LRP1B: variants seen among roughly 807,000 people sequenced by gnomAD.
LRP1B encodes low-density lipoprotein receptor-related protein 1B.
LRP1B carries 217 observed loss-of-function variants against 556.6 expected under a neutral mutation model. The ratio of observed to expected loss-of-function variants is 0.39; its 90% CI spans 0.35 to 0.44. The LOEUF (loss-of-function observed/expected upper bound fraction) is 0.44, where lower values mean the gene tolerates loss of function less well. LRP1B is among the 20% of genes least tolerant of loss of function. The pLI is 1.00. For synonymous variants in LRP1B, 2,047 were observed against 1,865.8 expected, an observed-to-expected ratio of 1.10 and a Z score of -2.50; for missense variants, 5,053 against 5,620.8, an observed-to-expected ratio of 0.90 and a Z score of 3.23.
chr2:140,617,513 A>T (rs1392232401), intron 41 of LRP1B, among the ~76,000 whole-genome samples: 1 of 151,948 alleles, frequency 6.6e-6, no homozygotes, highest in Non-Finnish European at 1.5e-5. Context: ...AATTAATTTG[A>T]TGCTAGGGAT....
intron 3 of LRP1B, among the ~76,000 whole-genome samples, chr2:141,356,599 A>G (rs377227556): frequency 7.4e-6 from 1 of 135,934 alleles, no homozygotes. Context: ...TGTTTTTAAG[A>G]AGACATTTTT....
intron 41 of LRP1B, among the ~76,000 whole-genome samples, chr2:140,609,105 G>C (rs1682976655): frequency 1.3e-5 from 2 of 152,100 alleles, no homozygotes; most frequent in African/African-American, 4.8e-5. Flanking sequence ...AACTAACATT[G>C]GCATGTCCGG....
intron 2 of LRP1B, among the ~76,000 whole-genome samples, chr2:141,680,981 A>G (rs1691080690): frequency 6.6e-6 from 1 of 152,280 alleles, no homozygotes; most frequent in Non-Finnish European, 1.5e-5. Flanking sequence ...TAAGACAAAT[A>G]GAAACTTTCA....
chr2:140,322,752 T>C (rs575201348), intron 81 of LRP1B, among the ~76,000 whole-genome samples: 2 of 151,982 alleles, frequency 1.3e-5, no homozygotes, highest in African/African-American at 4.8e-5. Flanking sequence ...TTCCTAGAGA[T>C]TATTTCATCA....
chr2:140,380,351 C>T (rs1683416600), intron 67 of LRP1B, among the ~76,000 whole-genome samples: 1 of 152,038 alleles, frequency 6.6e-6, no homozygotes, highest in Non-Finnish European at 1.5e-5. Flanking sequence ...CCTGGGAAGC[C>T]AAGTTACTTA....
In LRP1B at chr2:140,994,075, CTGTT is replaced by C; in HGVS notation, c.2560_2563del (p.Asn854AspfsTer17). ...TTTCCACCGAGCTTGGATACAGTGT[CTGTT>C]TTTGCAGCGAAACTCTCCAGCTTTA... On this transcript the variant is annotated frameshift_variant, in exon 16 of 91. Coordinates refer to ENST00000389484, the MANE Select transcript of LRP1B (RefSeq NM_018557.3). LOFTEE classifies it high-confidence loss of function. 6.2e-7 allele frequency: 1 copy of C among 1,612,750 alleles called. No individual in the cohort carries two copies. The highest frequency in any genetic ancestry group is 8.5e-7 in the Non-Finnish European group (1 of 1,179,148).
Position 140,365,550 on chromosome 2 carries a change from G to T in LRP1B, c.11009-767C>A, listed in dbSNP as rs144637920. 3.4e-3 allele frequency among the ~76,000 whole-genome samples: 522 copies of T among 151,754 alleles called. 3 individuals are homozygous for T. Among genetic ancestry groups the T allele is most frequent in the Non-Finnish European group, 4.9e-3 (331 of 67,768 alleles). On this transcript the variant is annotated intron_variant, in intron 71 of 90. Transcript: ENST00000389484. ...CAGTGGAGGCTATAATGACTTGAGA[G>T]TTAGGAACTGTGGGTCCCAGTCTTG...
At chr2:142,113,584 C>T (rs1707081404) in intron 1 of LRP1B, among the ~76,000 whole-genome samples, 1 of 151,136 alleles carries the variant, frequency 6.6e-6, no homozygotes, top group African/African-American at 2.4e-5. Flanking sequence ...ACAAAAAGAA[C>T]ACAACAATGT....
intron 3 of LRP1B, among the ~76,000 whole-genome samples, chr2:141,440,751 G>C (rs1181124879): frequency 6.6e-6 from 1 of 152,222 alleles, no homozygotes; most frequent in Non-Finnish European, 1.5e-5. Context: ...GATGAAGAGA[G>C]TCATTTAAAG....
In LRP1B at chr2:140,716,786, C is replaced by A. The variant is rs1353701182; in HGVS notation, c.5789G>T (p.Gly1930Val). Residue 1930 changes from glycine to valine, a missense_variant, in exon 36 of 91, where the codon GGC becomes GTC. Gly to Val is a moderately radical substitution (Grantham distance 109, BLOSUM62 -3). Coordinates refer to ENST00000389484, the MANE Select transcript of LRP1B (RefSeq NM_018557.3). ...ENDTIYWTDM[G>V]FNKISRAKRD... ...TTTAGCTCTGCTAATTTTATTGAAG[C>A]CCATGTCTGTCCAGTAGATGGTATC... 6.2e-7 allele frequency: 1 copy of A among 1,606,674 alleles called. No homozygotes were observed.
intron 2 of LRP1B, among the ~76,000 whole-genome samples, chr2:141,590,974 T>C (rs1687313782): frequency 6.6e-6 from 1 of 152,214 alleles, no homozygotes; most frequent in Non-Finnish European, 1.5e-5. Context: ...AGTTTTCCTC[T>C]TTCTTTGCCT....
chr2:141,354,737 C>T (rs1688563731), intron 3 of LRP1B, among the ~76,000 whole-genome samples: 1 of 151,534 alleles, frequency 6.6e-6, no homozygotes, highest in Non-Finnish European at 1.5e-5. Context: ...TCAGTAGAAA[C>T]AGCTTCTACT....
intron 3 of LRP1B, among the ~76,000 whole-genome samples, chr2:141,283,489 T>C (rs1461552902): frequency 6.6e-6 from 1 of 151,944 alleles, no homozygotes; most frequent in East Asian, 1.9e-4. Context: ...TTAAGGAGTT[T>C]AGAAATTACC....
chr2:141,820,202 G>T (rs1038249941), intron 1 of LRP1B, among the ~76,000 whole-genome samples: 1 of 152,088 alleles, frequency 6.6e-6, no homozygotes, highest in Non-Finnish European at 1.5e-5. Flanking sequence ...ACAATAGCTG[G>T]CATGCAATTG....
At chr2:141,721,569 C>T (rs1351915884) in intron 2 of LRP1B, among the ~76,000 whole-genome samples, 1 of 152,038 alleles carries the variant, frequency 6.6e-6, no homozygotes, top group Non-Finnish European at 1.5e-5. Context: ...ATTCCATTTA[C>T]AATGAAAGTA....
chr2:140,495,491 A>G (rs1688882831), intron 56 of LRP1B, 74 bp downstream of exon 56: 3 of 1,380,102 alleles, frequency 2.2e-6, no homozygotes, highest in Non-Finnish European at 3.0e-6. Flanking sequence ...AGTGAATTCA[A>G]TAAGAACGGC....
chr2:141,119,187 A>G (rs892072113), intron 7 of LRP1B, among the ~76,000 whole-genome samples: 1 of 151,932 alleles, frequency 6.6e-6, no homozygotes, highest in East Asian at 1.9e-4. Context: ...ACCAGGAAAC[A>G]TATTTGTGAC....
intron 3 of LRP1B, among the ~76,000 whole-genome samples, chr2:141,430,173 T>A (rs1371531775): frequency 7.3e-6 from 1 of 137,352 alleles, no homozygotes; most frequent in Non-Finnish European, 1.6e-5. Flanking sequence ...GTCTGAGCAG[T>A]GTCTATTACA....
intron 2 of LRP1B, among the ~76,000 whole-genome samples, chr2:141,700,182 A>G (rs1691889298): frequency 6.6e-6 from 1 of 151,724 alleles, no homozygotes; most frequent in African/African-American, 2.4e-5. Flanking sequence ...TTAAATTTCT[A>G]TTGACATTTT....
Sources: gnomAD v4.1 joint callset for allele counts (sites outside exome capture counted in the v4.1 genomes callset) on GRCh38, gnomAD v4.1.1 for gene constraint, MANE v1.5 for transcripts, NCBI Gene and HGNC (gene_info 2026-07-23, HGNC 2026-07-21) for gene names.